Variants in LEPR observed in about 807,000 individuals in gnomAD.
LEPR encodes the protein leptin receptor.
In LEPR, 56 loss-of-function variants were observed where a neutral mutation model predicts 114.7. The ratio of observed to expected loss-of-function variants is 0.49; its 90% CI spans 0.39 to 0.61. LEPR has a LOEUF of 0.61. Among genes scored for constraint, LEPR ranks in the 20% least tolerant of loss-of-function variants. The pLI is 0.00. For synonymous variants in LEPR, 443 were observed against 461.4 expected, an observed-to-expected ratio of 0.96 and a Z score of 0.51; for missense variants, 1,202 against 1,352.9, an observed-to-expected ratio of 0.89 and a Z score of 1.75.
rs149927064 is a variant in LEPR at position 65,487,700 on chromosome 1, T to TA, written c.-21+62328dup. The stretch of plus-strand genomic sequence containing the variant: ...CTTGTCCCTTCATTGGGCTTTAAAT[T>TA]AAAAAATTTTTTTTTAAAATTATCT... On this transcript the variant is annotated intron_variant, in intron 2 of 19. Transcript: ENST00000349533. Among the ~76,000 whole-genome samples the TA allele has an allele frequency of 6.0e-5, 9 of 150,386 alleles. No individual in the cohort carries two copies. The East Asian group carries it at 9.7e-4, about 16-fold the overall frequency.
At chr1:65,483,698 C>T (rs1189794653) in intron 2 of LEPR, among the ~76,000 whole-genome samples, 2 of 152,090 alleles carry the variant, frequency 1.3e-5, no homozygotes, top group African/African-American at 4.8e-5. Context: ...AAGTATTTCT[C>T]GATTATTCTT....
At chr1:65,586,518 T>C (rs976967828) in intron 5 of LEPR, among the ~76,000 whole-genome samples, 1 of 151,384 alleles carries the variant, frequency 6.6e-6, no homozygotes, top group African/African-American at 2.4e-5. Flanking sequence ...TATTCAACTC[T>C]GTGCTTGCAG....
intron 5 of LEPR, among the ~76,000 whole-genome samples, chr1:65,573,493 A>G (rs1654355615): frequency 6.6e-6 from 1 of 152,218 alleles, no homozygotes; most frequent in African/African-American, 2.4e-5. Context: ...GAACAAAGAT[A>G]TTGTTTTCAA....
chr1:65,488,286 C>CT (rs1491246783), intron 2 of LEPR, among the ~76,000 whole-genome samples: 32 of 139,296 alleles, frequency 2.3e-4, no homozygotes, highest in South Asian at 1.6e-3. Context: ...TTCTTTCCCT[C>CT]CCTCTCTCTC....
intron 2 of LEPR, among the ~76,000 whole-genome samples, chr1:65,488,210 T>TTCTC (rs796597694): frequency 0.013 from 342 of 25,850 alleles, 38 homozygotes; most frequent in African/African-American, 0.057. Flanking sequence ...CTTTCTTTCT[T>TTCTC]TCTCTCTCTC....
At chr1:65,596,627 G>A (rs1282003946) in intron 7 of LEPR, 34 bp downstream of exon 7, 1 of 1,598,128 alleles carries the variant, frequency 6.3e-7, no homozygotes, top group African/African-American at 1.3e-5. Flanking sequence ...AGGAAAAGTT[G>A]AGAAGTAAAT....
chr1:65,455,980 C>T (rs1646867611), intron 2 of LEPR, among the ~76,000 whole-genome samples: 1 of 152,162 alleles, frequency 6.6e-6, no homozygotes, highest in South Asian at 2.1e-4. Context: ...GGTATAATCT[C>T]CTGGTGCGCC....
intron 2 of LEPR, among the ~76,000 whole-genome samples, chr1:65,452,001 G>A (rs1167911736): frequency 6.6e-6 from 1 of 151,122 alleles, no homozygotes; most frequent in Admixed American, 6.6e-5. Flanking sequence ...CACATCCCTT[G>A]TAAGTTGGAT....
At chr1:65,572,753 G>A (rs1034922855) in intron 5 of LEPR, among the ~76,000 whole-genome samples, 16 of 152,130 alleles carry the variant, frequency 1.1e-4, no homozygotes, top group Middle Eastern at 3.2e-3. Flanking sequence ...ATAGCTGAAC[G>A]AACACTCTGG....
intron 2 of LEPR, among the ~76,000 whole-genome samples, chr1:65,547,150 A>T (rs1003169272): frequency 2.6e-5 from 4 of 151,490 alleles, no homozygotes; most frequent in East Asian, 3.9e-4. Flanking sequence ...CATCCCAGGG[A>T]TGAAGCCCAC....
chr1:65,483,414 A>G (rs554441807), intron 2 of LEPR, among the ~76,000 whole-genome samples: 1 of 152,316 alleles, frequency 6.6e-6, no homozygotes, highest in African/African-American at 2.4e-5. Flanking sequence ...ATGTAGGACA[A>G]TGAGAACCTT....
chr1:65,569,105 C>A (rs537910773), intron 3 of LEPR, among the ~76,000 whole-genome samples: 1 of 152,126 alleles, frequency 6.6e-6, no homozygotes, highest in East Asian at 1.9e-4. Flanking sequence ...TGGAAGAGTG[C>A]TGGAACCTCT....
chr1:65,589,266 G>T (rs1471959120), intron 5 of LEPR, among the ~76,000 whole-genome samples: 2 of 151,814 alleles, frequency 1.3e-5, no homozygotes, highest in Non-Finnish European at 2.9e-5. Flanking sequence ...TAACTGGGTT[G>T]TTTGTATTAT....
At chr1:65,455,823 CCT>C (rs1236840400) in intron 2 of LEPR, among the ~76,000 whole-genome samples, 1 of 152,242 alleles carries the variant, frequency 6.6e-6, no homozygotes, top group East Asian at 1.9e-4. Flanking sequence ...GTTCGAGCTT[CCT>C]GGCTGCTTTG....
chr1:65,539,492 A>T (rs1232489181), intron 2 of LEPR, among the ~76,000 whole-genome samples: 2 of 152,212 alleles, frequency 1.3e-5, no homozygotes, highest in African/African-American at 4.8e-5. Context: ...CATTTATGCT[A>T]AAGGCCTGTT....
intron 2 of LEPR, among the ~76,000 whole-genome samples, chr1:65,442,105 A>G (rs1216045278): frequency 1.3e-5 from 2 of 152,154 alleles, no homozygotes; most frequent in South Asian, 2.1e-4. Flanking sequence ...AGAATAAGTT[A>G]CCCCAAATGC....
chr1:65,526,629 G>A (rs1036095683), intron 2 of LEPR, among the ~76,000 whole-genome samples: 3 of 152,064 alleles, frequency 2.0e-5, no homozygotes, highest in African/African-American at 7.3e-5. Flanking sequence ...CCCTTTCACG[G>A]CTCTGGAATT....
chr1:65,542,743 T>C (rs1301886282), intron 2 of LEPR, among the ~76,000 whole-genome samples: 2 of 151,998 alleles, frequency 1.3e-5, no homozygotes, highest in Non-Finnish European at 2.9e-5. Flanking sequence ...GTTAGTTTGC[T>C]GAGAATGATG....
At chr1:65,477,575 G>GTGGC (rs1647173513) in intron 2 of LEPR, among the ~76,000 whole-genome samples, 1 of 152,244 alleles carries the variant, frequency 6.6e-6, no homozygotes, top group African/African-American at 2.4e-5. Flanking sequence ...TGGGATCTCT[G>GTGGC]TGGCAGGCAC....
Sources: allele counts gnomAD v4.1 joint callset (sites outside exome capture counted in the v4.1 genomes callset), GRCh38; gene constraint gnomAD v4.1.1; transcripts MANE v1.5; gene names NCBI Gene and HGNC (gene_info 2026-07-23, HGNC 2026-07-21).